DNAH3: variants seen among roughly 807,000 people sequenced by gnomAD.
DNAH3 encodes the protein axonemal beta dynein heavy chain 3.
Under a neutral mutation model 432.5 loss-of-function variants are expected in DNAH3, and 332 were observed. The ratio of observed to expected loss-of-function variants is 0.77; its 90% CI spans 0.70 to 0.84. The LOEUF is 0.84. Ranked by LOEUF, DNAH3 falls within the 40% of genes least tolerant of loss-of-function variation. The pLI is 0.00. For synonymous variants in DNAH3, 1,956 were observed against 1,900.2 expected (o/e 1.03, Z -0.76); for missense variants, 4,861 against 5,114.0 (o/e 0.95, Z 1.51).
intron 52 of DNAH3, among the ~76,000 whole-genome samples, chr16:20,968,054 G>C (rs572432247): frequency 3.9e-5 from 6 of 152,236 alleles, no homozygotes; most frequent in African/African-American, 1.4e-4. Context: ...GGAGCCAGAA[G>C]GTCTCAAATG....
intron 41 of DNAH3, among the ~76,000 whole-genome samples, chr16:21,014,605 T>G (rs2087771755): frequency 6.6e-6 from 1 of 152,014 alleles, no homozygotes; most frequent in Non-Finnish European, 1.5e-5. Context: ...TCCTAGCTAA[T>G]GGAATAAGAC....
chr16:20,983,356 C>T (rs56246625), intron 48 of DNAH3, among the ~76,000 whole-genome samples: 2 of 152,086 alleles, frequency 1.3e-5, no homozygotes, highest in African/African-American at 4.8e-5. Context: ...AAACTCCTGA[C>T]CTCAAGTGAT....
At chr16:21,107,938 C>T (rs1286277869) in intron 14 of DNAH3, among the ~76,000 whole-genome samples, 2 of 151,910 alleles carry the variant, frequency 1.3e-5, no homozygotes, top group South Asian at 2.1e-4. Context: ...TCTCAGCTTA[C>T]GGCAACCTCC....
rs1323932298 is a variant in DNAH3, at chr16:20,933,504, T to C, written c.12001A>G (p.Thr4001Ala). Residue 4001 changes from threonine (T) to alanine (A), a missense_variant, in exon 62 of 62, where the codon ACC (threonine) becomes GCC (alanine). Physicochemically the swap from Thr to Ala is moderately conservative, Grantham distance 58. Transcript: ENST00000261383. ...TTCTCCATCACTGTTTCTTGTGGGG[T>C]TACCTGGAAGAATAAAAAGCTATGA... 2.5e-6 allele frequency: 4 copies of C among 1,576,994 alleles called. No individual in the cohort carries two copies. In the South Asian group the frequency reaches 3.5e-5, roughly 14 times the overall value.
intron 24 of DNAH3, among the ~76,000 whole-genome samples, chr16:21,066,789 A>G (rs1434249271): frequency 6.6e-6 from 1 of 152,188 alleles, no homozygotes; most frequent in Non-Finnish European, 1.5e-5. Context: ...GTATAAAAAA[A>G]TTGACTGGTG....
At chr16:21,036,064 G>A (rs2089150883) in intron 35 of DNAH3, among the ~76,000 whole-genome samples, 1 of 152,142 alleles carries the variant, frequency 6.6e-6, no homozygotes, top group Non-Finnish European at 1.5e-5. Context: ...AAATCTCACA[G>A]CAAAAAATGA....
exon 23 of DNAH3, chr16:21,069,476 G>A: frequency 6.2e-7 from 1 of 1,614,114 alleles, no homozygotes; most frequent in Non-Finnish European, 8.5e-7. Flanking sequence ...CCCCTCTTCT[G>A]GCATCTGGGC....
intron 4 of DNAH3, 56 bp from the exon 6 acceptor site, chr16:21,140,766 G>A: frequency 6.4e-7 from 1 of 1,555,356 alleles, no homozygotes; most frequent in South Asian, 1.2e-5. Context: ...GAGGTGCTGT[G>A]GTGTTGCCTA....
chr16:21,037,118 G>C (rs2089211072), intron 34 of DNAH3, among the ~76,000 whole-genome samples: 1 of 152,176 alleles, frequency 6.6e-6, no homozygotes, highest in Admixed American at 6.5e-5. Context: ...AGACCAGCCT[G>C]GCCAACATGG....
chr16:21,105,506 C>T (rs1597386231), intron 15 of DNAH3, among the ~76,000 whole-genome samples: 1 of 152,326 alleles, frequency 6.6e-6, no homozygotes, highest in East Asian at 1.9e-4. Flanking sequence ...TGGCTCACGC[C>T]TATAATCCCA....
chr16:21,023,714 T>G (rs1276481180), intron 39 of DNAH3, among the ~76,000 whole-genome samples: 1 of 150,716 alleles, frequency 6.6e-6, no homozygotes, highest in African/African-American at 2.4e-5. Flanking sequence ...TGATAAGGAG[T>G]TAAACTTTGT....
chr16:21,060,242 G>C (rs774070970), intron 26 of DNAH3, 22 bp downstream of exon 26: 7 of 1,587,562 alleles, frequency 4.4e-6, no homozygotes, highest in Non-Finnish European at 6.1e-6. Context: ...GTCCTGGCAT[G>C]TGTACCCCGG....
exon 50 of DNAH3, chr16:20,979,426 G>A (rs776304988): frequency 1.2e-6 from 2 of 1,614,058 alleles, no homozygotes; most frequent in East Asian, 2.2e-5. Context: ...GCGTCTTGAA[G>A]GTTAGAATCA....
chr16:21,150,255 G>C (rs761692175), intron 1 of DNAH3, 35 bp downstream of exon 2: 14 of 425,886 alleles, frequency 3.3e-5, no homozygotes, highest in Middle Eastern at 3.4e-4. Flanking sequence ...AAAAAATACA[G>C]GTAAAACAAG....
At chr16:20,961,197 A>G (rs976838788) in intron 53 of DNAH3, among the ~76,000 whole-genome samples, 6 of 152,222 alleles carry the variant, frequency 3.9e-5, no homozygotes, top group Admixed American at 1.3e-4. Context: ...AGCAAAATTC[A>G]TATGTTGAAG....
intron 3 of DNAH3, among the ~76,000 whole-genome samples, chr16:21,144,363 G>A (rs1006410888): frequency 1.3e-5 from 2 of 152,164 alleles, no homozygotes; most frequent in African/African-American, 4.8e-5. Flanking sequence ...TCTAAGGGAA[G>A]CCAGAAGCCA....
At chr16:21,155,327 A>G (rs534840649) in intron 1 of DNAH3, among the ~76,000 whole-genome samples, 4 of 152,196 alleles carry the variant, frequency 2.6e-5, no homozygotes, top group Non-Finnish European at 5.9e-5. Flanking sequence ...TTTTTCAGGT[A>G]AAAGAATGTT....
chr16:20,933,399 C>T, exon 62 of DNAH3: 1 of 1,614,136 alleles, frequency 6.2e-7, no homozygotes, highest in South Asian at 1.1e-5. Context: ...GGGAGAGATT[C>T]CCCAATCTGC....
At chr16:21,008,168 T>C (rs2087408463) in intron 41 of DNAH3, among the ~76,000 whole-genome samples, 1 of 152,228 alleles carries the variant, frequency 6.6e-6, no homozygotes. Flanking sequence ...TCTTGGTTCA[T>C]GTTTTCTGTT....
Sources: allele counts gnomAD v4.1 joint callset (sites outside exome capture counted in the v4.1 genomes callset), GRCh38; gene constraint gnomAD v4.1.1; transcripts MANE v1.5; gene names NCBI Gene and HGNC (gene_info 2026-07-23, HGNC 2026-07-21).